ZNF644: variants seen among roughly 807,000 people sequenced by gnomAD.
The protein encoded by ZNF644 is zinc finger motif enhancer binding protein 2.
Under a neutral mutation model 108.0 loss-of-function variants are expected in ZNF644, and 20 were observed. That is an observed-to-expected ratio of 0.19 (90% CI 0.13 to 0.27). The LOEUF (loss-of-function observed/expected upper bound fraction) is 0.27, where lower values mean the gene tolerates loss of function less well. Ranked by LOEUF, ZNF644 falls within the 10% of genes least tolerant of loss-of-function variation. The probability of loss-of-function intolerance (pLI) is 1.00; values close to 1 mark genes in which losing one functional copy is unlikely to be tolerated. For synonymous variants in ZNF644, 542 were observed against 539.1 expected, an observed-to-expected ratio of 1.01 and a Z score of -0.08; for missense variants, 1,338 against 1,548.9, an observed-to-expected ratio of 0.86 and a Z score of 2.29.
intron 4 of ZNF644, among the ~76,000 whole-genome samples, chr1:90,929,500 C>T (rs1456246317): frequency 1.3e-5 from 2 of 152,204 alleles, no homozygotes; most frequent in Non-Finnish European, 2.9e-5. Flanking sequence ...TACTTACACT[C>T]TTTCAGTCTG....
At position 90,937,556 on chromosome 1, in the gene ZNF644, C is replaced by T; in HGVS notation, c.3617G>A (p.Cys1206Tyr). The change falls in exon 4 of 6, where the codon TGC (cysteine) becomes TAC (tyrosine). Residue 1206 changes from cysteine to tyrosine, a missense_variant. This residue lies in a region of ZNF644 where 287 missense variants were observed against 310.9 expected (regional missense o/e 0.92). Transcript: ENST00000337393. ...QTARKRFVQK[C>Y]VLPLNEDSPL... ...ACTATCCTCATTTAATGGAAGAACG[C>T]ATTTCTGAACGAATCTCTTTCTTGC... 1.9e-6 allele frequency: 3 copies of T among 1,613,892 alleles called. No homozygotes were observed. The highest frequency in any genetic ancestry group is 8.5e-7 in the Non-Finnish European group (1 of 1,179,820).
intron 4 of ZNF644, among the ~76,000 whole-genome samples, chr1:90,933,681 AAATG>A (rs35930203): frequency 0.72 from 108,554 of 151,296 alleles, 39,337 homozygotes; most frequent in Middle Eastern, 0.78. Context: ...ATAAATAAAT[AAATG>A]AACAAACCCA....
chr1:90,961,057 G>A (rs1262103778), intron 2 of ZNF644, among the ~76,000 whole-genome samples: 1 of 152,080 alleles, frequency 6.6e-6, no homozygotes, highest in Non-Finnish European at 1.5e-5. Context: ...GGTCACAGAT[G>A]AAGAAATGAA....
chr1:90,994,834 G>T (rs74560943), intron 1 of ZNF644, among the ~76,000 whole-genome samples: 15,258 of 152,114 alleles, frequency 0.1, 923 homozygotes, highest in South Asian at 0.15. Context: ...CTCAGACACT[G>T]GGAGACCCCC....
At chr1:90,922,768 T>G (rs1474619331) in intron 4 of ZNF644, among the ~76,000 whole-genome samples, 1 of 152,066 alleles carries the variant, frequency 6.6e-6, no homozygotes, top group Non-Finnish European at 1.5e-5. Flanking sequence ...GGCCCCAGTC[T>G]GTTGCTCCCT....
At chr1:90,971,121 G>C (rs931741501) in intron 2 of ZNF644, among the ~76,000 whole-genome samples, 1 of 150,674 alleles carries the variant, frequency 6.6e-6, no homozygotes, top group Non-Finnish European at 1.5e-5. Context: ...AAAAGAGATT[G>C]AGAACCTCAA....
intron 2 of ZNF644, among the ~76,000 whole-genome samples, chr1:90,974,362 T>A (rs1557618250): frequency 6.6e-6 from 1 of 152,104 alleles, no homozygotes; most frequent in Non-Finnish European, 1.5e-5. Context: ...CATTAAGATT[T>A]CACGCTGATG....
At chr1:90,967,510 G>T (rs1480269160) in intron 2 of ZNF644, among the ~76,000 whole-genome samples, 1 of 152,092 alleles carries the variant, frequency 6.6e-6, no homozygotes, top group Non-Finnish European at 1.5e-5. Flanking sequence ...TGGGAACCAT[G>T]TCTTCTATTG....
intron 2 of ZNF644, among the ~76,000 whole-genome samples, chr1:90,955,447 T>C (rs1295606913): frequency 1.3e-5 from 2 of 152,224 alleles, no homozygotes; most frequent in Non-Finnish European, 2.9e-5. Context: ...AGCTGTTTCA[T>C]CTACACTGAA....
chr1:90,930,218 A>G (rs916060801), intron 4 of ZNF644, among the ~76,000 whole-genome samples: 12 of 152,190 alleles, frequency 7.9e-5, no homozygotes, highest in African/African-American at 2.7e-4. Flanking sequence ...CCTGGGAGGC[A>G]GAGGTTGCAG....
chr1:90,940,467 T>C lies in ZNF644; in HGVS notation c.887A>G (p.Asp296Gly), dbSNP rs1290977530. Residue 296 changes from aspartate to glycine, a missense_variant, in exon 3 of 6, where the codon GAT becomes GGT. By Grantham distance (94) the Asp-to-Gly change is moderately conservative (BLOSUM62 -1). Transcript: ENST00000337393. ...GLEKKRKRKM[D>G]VSKITRYTED... ...GGTATAACGAGTTATCTTGCTTACA[T>C]CCATTTTTCGCTTTCTTTTTTTTTC... 1.2e-6 allele frequency: 2 copies of C among 1,613,720 alleles called. No individual in the cohort carries two copies. Among genetic ancestry groups the C allele is most frequent in the South Asian group, 1.1e-5 (1 of 91,058 alleles).
intron 1 of ZNF644, among the ~76,000 whole-genome samples, chr1:90,988,705 A>G (rs758058228): frequency 5.3e-5 from 8 of 152,218 alleles, no homozygotes; most frequent in Non-Finnish European, 1.0e-4. Flanking sequence ...CCAATGAAAC[A>G]AAATATAGAT....
At chr1:90,953,015 A>G (rs1434573876) in intron 2 of ZNF644, among the ~76,000 whole-genome samples, 1 of 99,288 alleles carries the variant, frequency 1.0e-5, no homozygotes, top group African/African-American at 3.4e-5. Flanking sequence ...AGACTGAGGA[A>G]AAAAAAAAAA....
intron 1 of ZNF644, among the ~76,000 whole-genome samples, chr1:90,991,189 C>T (rs1307779798): frequency 6.6e-6 from 1 of 152,170 alleles, no homozygotes; most frequent in Non-Finnish European, 1.5e-5. Flanking sequence ...TGCTCAGTAT[C>T]ATTTGTTACT....
intron 1 of ZNF644, among the ~76,000 whole-genome samples, chr1:91,000,590 A>G (rs1455296451): frequency 1.3e-5 from 2 of 152,234 alleles, no homozygotes; most frequent in African/African-American, 2.4e-5. Flanking sequence ...GAAGCAGGAA[A>G]GATCTAAAAT....
intron 4 of ZNF644, among the ~76,000 whole-genome samples, chr1:90,933,467 G>C (rs1445869158): frequency 6.6e-6 from 1 of 152,050 alleles, no homozygotes; most frequent in African/African-American, 2.4e-5. Flanking sequence ...TTCGAGACCA[G>C]CCTGTCCAAC....
At position 90,951,382 on chromosome 1, in the gene ZNF644, C is replaced by G. The variant is rs141516560; in HGVS notation, c.45-10073G>C. On this transcript the variant is annotated intron_variant, in intron 2 of 5. Coordinates refer to ENST00000337393, the MANE Select transcript of ZNF644 (RefSeq NM_201269.3). ...CCCTTTGACTTCGTTTCCTACTCCT[C>G]TCCCCAACTCACTCACTCTGCTGTA... 1.0e-3 allele frequency among the ~76,000 whole-genome samples: 157 copies of G among 152,318 alleles called. 1 individual carries two copies. Among genetic ancestry groups the G allele is most frequent in the African/African-American group, 3.7e-3 (154 of 41,570 alleles).
chr1:90,929,367 A>G (rs1162207286), intron 4 of ZNF644, among the ~76,000 whole-genome samples: 1 of 152,186 alleles, frequency 6.6e-6, no homozygotes, highest in Non-Finnish European at 1.5e-5. Context: ...CAGCAGAGAC[A>G]TGTCTCATAC....
intron 2 of ZNF644, among the ~76,000 whole-genome samples, chr1:90,970,725 A>G (rs1655363002): frequency 6.6e-6 from 1 of 152,100 alleles, no homozygotes; most frequent in African/African-American, 2.4e-5. Context: ...ACAACCAAAT[A>G]CCAGGGTATA....
Sources: gnomAD v4.1 joint callset for allele counts (sites outside exome capture counted in the v4.1 genomes callset) on GRCh38, gnomAD v4.1.1 for gene constraint, gnomAD v4.1.1 regional missense constraint, MANE v1.5 for transcripts, NCBI Gene and HGNC (gene_info 2026-07-23, HGNC 2026-07-21) for gene names.